Variants in TMCO4 observed in about 807,000 individuals in gnomAD.
The protein encoded by TMCO4 is transmembrane and coiled-coil domains 4, also known as transmembrane and coiled-coil domain-containing protein 4.
A neutral mutation model predicts 64.7 loss-of-function variants in TMCO4; 58 were observed. That is an observed-to-expected ratio of 0.90 (90% CI 0.73 to 1.12). The LOEUF (loss-of-function observed/expected upper bound fraction) is 1.12. TMCO4 is among the 50% of genes most tolerant of loss of function. The pLI is 0.00. For missense variants in TMCO4, 780 were observed against 825.9 expected, an observed-to-expected ratio of 0.94 and a Z score of 0.68; for synonymous variants, 325 against 346.1, an observed-to-expected ratio of 0.94 and a Z score of 0.68.
intron 14 of TMCO4, 113 bp from the exon 15 acceptor site, chr1:19,694,664 G>T: frequency 1.1e-6 from 1 of 914,276 alleles, no homozygotes; most frequent in Non-Finnish European, 1.7e-6. Flanking sequence ...GCTTCTGGGG[G>T]AAAACAGGGC....
intron 3 of TMCO4, among the ~76,000 whole-genome samples, chr1:19,784,539 A>G (rs2043637888): frequency 6.6e-6 from 1 of 152,084 alleles, no homozygotes; most frequent in African/African-American, 2.4e-5. Context: ...ATCTAACAAA[A>G]TAATAATAAT....
Position 19,746,534 on chromosome 1 carries a change from C to T in TMCO4, c.679G>A (p.Gly227Arg), listed in dbSNP as rs150275227. ...AGAATIIGSA[G>R]AAALGSAAGI... ...GCTGCTGAGCCCAGAGCCGCTGCCC[C>T]GGCGCTGCCAATAATCGTCGCTGCT... The change falls in exon 9 of 16, where the codon GGG becomes AGG. Residue 227 changes from glycine to arginine, a missense_variant. Coordinates refer to ENST00000294543, the MANE Select transcript of TMCO4 (RefSeq NM_181719.7). 4.8e-5 allele frequency: 77 copies of T among 1,611,364 alleles called. No individual in the cohort carries two copies. In the African/African-American group the frequency reaches 8.7e-4, roughly 18 times the overall value.
intron 10 of TMCO4, among the ~76,000 whole-genome samples, chr1:19,742,936 G>A (rs1408984342): frequency 6.6e-6 from 1 of 152,138 alleles, no homozygotes; most frequent in Non-Finnish European, 1.5e-5. Context: ...TGTAATCCCA[G>A]CTACTCTCGA....
chr1:19,684,816 T>G (rs2095133793), intron 15 of TMCO4, among the ~76,000 whole-genome samples: 1 of 151,970 alleles, frequency 6.6e-6, no homozygotes, highest in Admixed American at 6.6e-5. Context: ...AGAGGAGGAG[T>G]GCTCTTCTTC....
chr1:19,792,233 C>T lies in TMCO4; in HGVS notation c.-100-5116G>A, dbSNP rs374622522. Among the ~76,000 whole-genome samples, 6 of 152,296 alleles carry T rather than the reference C, an allele frequency of 3.9e-5. No individual in the cohort carries two copies. The East Asian group carries it at 5.8e-4, about 15-fold the overall frequency. On this transcript the variant is annotated intron_variant, in intron 2 of 15. Transcript: ENST00000294543. The stretch of plus-strand genomic sequence containing the variant: ...CCCATACTTAACCTAGAAGAGGATG[C>T]GATCTCCAGGGAAACAATATAGATA...
At chr1:19,726,717 G>T (rs2095410314) in intron 13 of TMCO4, among the ~76,000 whole-genome samples, 1 of 152,206 alleles carries the variant, frequency 6.6e-6, no homozygotes, top group Admixed American at 6.5e-5. Flanking sequence ...CTCCACGCAG[G>T]TGGTCTGGGT....
intron 3 of TMCO4, among the ~76,000 whole-genome samples, chr1:19,784,762 T>C (rs1304541273): frequency 2.6e-5 from 3 of 113,740 alleles, no homozygotes; most frequent in East Asian, 4.7e-4. Context: ...GTCCAATCTT[T>C]TGGCTTCCCT....
rs141842680 is a variant in TMCO4 at position 19,695,807 on chromosome 1, G to C, written c.1383-1256C>G. ...TCCCTGAGCTAAGGGGTCCTCTACAGACTCTCCTGCTGTGTCCCGAAGTGA... is the reference window on the plus strand; with the variant it reads ...TCCCTGAGCTAAGGGGTCCTCTACACACTCTCCTGCTGTGTCCCGAAGTGA... On this transcript the variant is annotated intron_variant, in intron 14 of 15. Transcript: ENST00000294543. Among the ~76,000 whole-genome samples, 16 of 152,284 alleles carry C rather than the reference G, an allele frequency of 1.1e-4. No homozygotes were observed. The East Asian group carries it at 3.1e-3, about 29-fold the overall frequency.
chr1:19,708,704 T>C (rs1051469036), intron 13 of TMCO4, among the ~76,000 whole-genome samples: 4 of 152,084 alleles, frequency 2.6e-5, no homozygotes, highest in Non-Finnish European at 5.9e-5. Flanking sequence ...GAGCTTTCTG[T>C]TATCCCAGGG....
intron 2 of TMCO4, among the ~76,000 whole-genome samples, chr1:19,793,998 C>A (rs1462965959): frequency 1.3e-5 from 2 of 152,086 alleles, no homozygotes; most frequent in South Asian, 2.1e-4. Flanking sequence ...AAGGTCCTTA[C>A]AATGATGATG....
intron 7 of TMCO4, among the ~76,000 whole-genome samples, chr1:19,748,709 C>A (rs1186633335): frequency 1.3e-5 from 2 of 152,144 alleles, no homozygotes; most frequent in Non-Finnish European, 2.9e-5. Context: ...CCTGTAATTC[C>A]AGCTACTCAG....
chr1:19,696,587 TAA>T (rs201030186), intron 14 of TMCO4, among the ~76,000 whole-genome samples: 3 of 142,862 alleles, frequency 2.1e-5, no homozygotes, highest in African/African-American at 7.7e-5. Context: ...TAAAAAAAAT[TAA>T]AAAAAAAAAG....
chr1:19,698,024 C>A (rs1304503808), intron 14 of TMCO4, among the ~76,000 whole-genome samples: 1 of 152,144 alleles, frequency 6.6e-6, no homozygotes. Context: ...GCAGAGAGCT[C>A]CCTGAGGGCA....
At position 19,682,456 on chromosome 1, in the gene TMCO4, A is replaced by G. The variant is rs2095109479; in HGVS notation, c.*584T>C. ...CTGTGTGACTCATGTCCCTGGAGTT[A>G]TGCAGCGCACAGCCTACATGGCTGT... On this transcript the variant is annotated 3_prime_UTR_variant, in exon 16 of 16. Transcript: ENST00000294543. 3.3e-6 allele frequency: 2 copies of G among 603,270 alleles called. No homozygotes were observed. Among genetic ancestry groups the G allele is most frequent in the South Asian group, 3.9e-5 (2 of 51,060 alleles). 37.4% of individuals were successfully genotyped at this position (603,270 alleles called of 1,614,324 possible).
chr1:19,782,469 T>C (rs1317080782), intron 3 of TMCO4, among the ~76,000 whole-genome samples: 2 of 152,194 alleles, frequency 1.3e-5, no homozygotes, highest in East Asian at 1.9e-4. Context: ...GGTCATCATA[T>C]GGGTATAAAT....
At chr1:19,768,692 T>C (rs941533573) in intron 6 of TMCO4, among the ~76,000 whole-genome samples, 8 of 152,104 alleles carry the variant, frequency 5.3e-5, no homozygotes, top group South Asian at 2.1e-4. Context: ...CTCCACGATA[T>C]GGAATTAAAA....
At position 19,718,116 on chromosome 1, in the gene TMCO4, T is replaced by C. The variant is rs186967554; in HGVS notation, c.1265-17231A>G. Among the ~76,000 whole-genome samples the C allele has an allele frequency of 8.5e-5, 13 of 152,164 alleles. No homozygotes were observed. The East Asian group carries it at 2.5e-3, about 29-fold the overall frequency. ...GGGATGCTAAGGCAGGTGGATCACC[T>C]GAGGTCAGGAGTTCAAGACCAGCCT... On this transcript the variant is annotated intron_variant, in intron 13 of 15. Transcript: ENST00000294543.
chr1:19,758,416 T>C (rs1403834100), intron 6 of TMCO4, among the ~76,000 whole-genome samples: 1 of 152,154 alleles, frequency 6.6e-6, no homozygotes, highest in African/African-American at 2.4e-5. Flanking sequence ...GCTTTGGCCA[T>C]GATGATTAAT....
chr1:19,776,919 C>G (rs1025677049), intron 4 of TMCO4, among the ~76,000 whole-genome samples: 1 of 146,858 alleles, frequency 6.8e-6, no homozygotes, highest in Non-Finnish European at 1.5e-5. Context: ...CCCAGCTATT[C>G]AAGAAGCTGA....
Sources: allele counts gnomAD v4.1 joint callset (sites outside exome capture counted in the v4.1 genomes callset), GRCh38; gene constraint gnomAD v4.1.1; transcripts MANE v1.5; gene names NCBI Gene and HGNC (gene_info 2026-07-23, HGNC 2026-07-21).